Variants in PHLPP2 observed in about 807,000 individuals in gnomAD.
PHLPP2 encodes the protein PH domain and leucine rich repeat protein phosphatase 2.
In PHLPP2, 66 loss-of-function variants were observed where a neutral mutation model predicts 124.9. The ratio of observed to expected loss-of-function variants is 0.53; its 90% CI spans 0.43 to 0.65. The LOEUF (loss-of-function observed/expected upper bound fraction) is 0.65, where lower values mean the gene tolerates loss of function less well. Among genes scored for constraint, PHLPP2 ranks in the 30% least tolerant of loss-of-function variants. The pLI is 0.00. For missense variants in PHLPP2, 1,685 were observed against 1,600.4 expected (o/e 1.05, Z -0.90); for synonymous variants, 681 against 624.7 (o/e 1.09, Z -1.34).
At chr16:71,722,819 G>C (rs1466297952) in intron 1 of PHLPP2, among the ~76,000 whole-genome samples, 3 of 152,076 alleles carry the variant, frequency 2.0e-5, no homozygotes, top group African/African-American at 4.8e-5. Context: ...AAATTTCTCT[G>C]CAACTCTTTC....
chr16:71,701,821 T>A (rs1410200831), intron 3 of PHLPP2, among the ~76,000 whole-genome samples: 3 of 152,210 alleles, frequency 2.0e-5, no homozygotes, highest in African/African-American at 7.2e-5. Context: ...TTACAGCATA[T>A]TGCTATAATT....
At chr16:71,700,718 G>C (rs1246290390) in intron 3 of PHLPP2, among the ~76,000 whole-genome samples, 2 of 151,678 alleles carry the variant, frequency 1.3e-5, no homozygotes, top group African/African-American at 2.4e-5. Flanking sequence ...GTAGAGACAG[G>C]GTTTCACTGT....
Position 71,649,311 on chromosome 16 carries a change from G to A in PHLPP2, c.3551C>T (p.Pro1184Leu), listed in dbSNP as rs151310541. 6.5e-5 allele frequency: 105 copies of A among 1,613,702 alleles called. No homozygotes were observed. Among genetic ancestry groups the A allele is most frequent in the Non-Finnish European group, 8.1e-5 (95 of 1,179,792 alleles). The change falls in exon 19 of 19, where the codon CCT (proline) becomes CTT (leucine). Residue 1184 changes from proline (P) to leucine (L), a missense_variant. By Grantham distance (98) the Pro-to-Leu change is moderately conservative. Transcript: ENST00000568954. ...CRGRDLENSP[P>L]LIESSPTLCS... is the part of the protein sequence containing the mutation. ...CAGGGTAGGAGAACTCTCTATGAGA[G>A]GGGGTGAGTTCTCCAGATCCCTCCC...
intron 16 of PHLPP2, among the ~76,000 whole-genome samples, chr16:71,655,768 G>A (rs1596988407): frequency 6.6e-6 from 1 of 152,000 alleles, no homozygotes. Context: ...GGGATTACAG[G>A]TGTGAGCCAC....
chr16:71,721,618 T>TG (rs2045399331), intron 1 of PHLPP2, among the ~76,000 whole-genome samples: 1 of 152,030 alleles, frequency 6.6e-6, no homozygotes, highest in Non-Finnish European at 1.5e-5. Flanking sequence ...TTTTAAATTT[T>TG]TTTTGGCATT....
chr16:71,670,928 T>TC (rs1380565109), intron 10 of PHLPP2, among the ~76,000 whole-genome samples: 2 of 152,116 alleles, frequency 1.3e-5, no homozygotes, highest in African/African-American at 4.8e-5. Flanking sequence ...CACAATGGCC[T>TC]CTATTTTCCC....
intron 2 of PHLPP2, among the ~76,000 whole-genome samples, chr16:71,704,942 A>G (rs2045262935): frequency 6.6e-6 from 1 of 152,216 alleles, no homozygotes; most frequent in Non-Finnish European, 1.5e-5. Flanking sequence ...GAGTAAGGAT[A>G]TAAAGAGACA....
At position 71,649,974 on chromosome 16, in the gene PHLPP2, A is replaced by G; in HGVS notation, c.2888T>C (p.Leu963Pro). The stretch of plus-strand genomic sequence containing the variant: ...AGTGGAAGATATGTGGGGCTTGGGG[A>G]GGATCCAAGGGTAGAGGTATGTACA... ...LGCTYLYPWILPKPHISSTPL... is the reference protein window; with the variant it reads ...LGCTYLYPWIPPKPHISSTPL... Residue 963 changes from leucine to proline, a missense_variant, in exon 19 of 19, where the codon CTC becomes CCC. Leu to Pro is a moderately conservative substitution (Grantham distance 98). Transcript: ENST00000568954. 6.2e-7 allele frequency: 1 copy of G among 1,613,900 alleles called. No individual in the cohort carries two copies. Among genetic ancestry groups the G allele is most frequent in the Non-Finnish European group, 8.5e-7 (1 of 1,179,970 alleles).
intron 12 of PHLPP2, chr16:71,664,340 C>G (rs898500598): frequency 2.0e-5 from 11 of 554,114 alleles, no homozygotes; most frequent in Non-Finnish European, 3.5e-5. Flanking sequence ...TCCCAGGCTT[C>G]TGGAGTGCCT....
At chr16:71,680,911 T>C (rs2044991274) in intron 6 of PHLPP2, among the ~76,000 whole-genome samples, 1 of 152,196 alleles carries the variant, frequency 6.6e-6, no homozygotes, top group Non-Finnish European at 1.5e-5. Flanking sequence ...TACATGCCAA[T>C]ATTACTAAAA....
chr16:71,706,052 CCAAT>C (rs1387553365), intron 2 of PHLPP2, among the ~76,000 whole-genome samples: 5 of 152,108 alleles, frequency 3.3e-5, no homozygotes, highest in African/African-American at 9.7e-5. Context: ...AAATCTCTCA[CCAAT>C]CAAAGGGAAA....
intron 3 of PHLPP2, 70 bp downstream of exon 3, chr16:71,702,528 A>T (rs1567626884): frequency 7.8e-7 from 1 of 1,281,112 alleles, no homozygotes; most frequent in Admixed American, 2.0e-5. Flanking sequence ...TAAAAAGCTG[A>T]CGGCAGATAA....
chr16:71,704,658 T>C (rs1440307181), intron 2 of PHLPP2, among the ~76,000 whole-genome samples: 1 of 152,148 alleles, frequency 6.6e-6, no homozygotes, highest in Non-Finnish European at 1.5e-5. Flanking sequence ...AAAAAGCCTG[T>C]AACGACCAAT....
intron 3 of PHLPP2, among the ~76,000 whole-genome samples, chr16:71,699,836 TAC>T (rs767967753): frequency 6.6e-6 from 1 of 152,218 alleles, no homozygotes; most frequent in Non-Finnish European, 1.5e-5. Context: ...GCTGCAAGCC[TAC>T]ACAGAGTTTG....
intron 17 of PHLPP2, among the ~76,000 whole-genome samples, chr16:71,654,841 GAA>G (rs2044728480): frequency 2.0e-5 from 3 of 152,304 alleles, no homozygotes; most frequent in African/African-American, 7.2e-5. Flanking sequence ...TAAAACCCCA[GAA>G]AGAGGCATTC....
At chr16:71,688,797 G>A (rs2045078713) in intron 4 of PHLPP2, among the ~76,000 whole-genome samples, 1 of 151,972 alleles carries the variant, frequency 6.6e-6, no homozygotes, top group Admixed American at 6.6e-5. Flanking sequence ...CAGCCCCTAA[G>A]ACCTCATACT....
At chr16:71,650,389 G>T (rs970819844) in intron 18 of PHLPP2, among the ~76,000 whole-genome samples, 1 of 152,124 alleles carries the variant, frequency 6.6e-6, no homozygotes, top group Non-Finnish European at 1.5e-5. Flanking sequence ...TCTATCACTA[G>T]TACTCTCAGA....
intron 13 of PHLPP2, among the ~76,000 whole-genome samples, chr16:71,659,199 C>A (rs1427863623): frequency 1.3e-5 from 2 of 151,874 alleles, no homozygotes; most frequent in Non-Finnish European, 2.9e-5. Flanking sequence ...CTTTAATACC[C>A]TCAGCTGTAA....
At chr16:71,682,124 A>T (rs956786028) in intron 5 of PHLPP2, among the ~76,000 whole-genome samples, 18 of 152,134 alleles carry the variant, frequency 1.2e-4, no homozygotes, top group African/African-American at 4.3e-4. Flanking sequence ...TAAAGTCTCT[A>T]TAAGTACAAG....
Sources: allele counts gnomAD v4.1 joint callset (sites outside exome capture counted in the v4.1 genomes callset), GRCh38; gene constraint gnomAD v4.1.1; transcripts MANE v1.5; gene names NCBI Gene and HGNC (gene_info 2026-07-23, HGNC 2026-07-21).